The following MED12L variants were observed in gnomAD, a reference collection of about 807,000 sequenced individuals.
MED12L encodes the protein mediator of RNA polymerase II transcription subunit 12-like protein.
A neutral mutation model predicts 281.3 loss-of-function variants in MED12L; 60 were observed. The observed-to-expected ratio is 0.21, with a 90% CI of 0.17 to 0.26. The LOEUF (loss-of-function observed/expected upper bound fraction) is 0.26. Ranked by LOEUF, MED12L falls within the 10% of genes least tolerant of loss-of-function variation. The pLI is 1.00. For missense variants in MED12L, 2,146 were observed against 2,680.9 expected (o/e 0.80, Z 4.41); for synonymous variants, 974 against 987.2 (o/e 0.99, Z 0.25).
chr3:151,134,424 G>GAACC (rs1469784059), intron 5 of MED12L, among the ~76,000 whole-genome samples: 1 of 152,218 alleles, frequency 6.6e-6, no homozygotes, highest in Non-Finnish European at 1.5e-5. Context: ...GTGGTGCACA[G>GAACC]AACCCCTCAG....
At chr3:151,353,421 G>A (rs568694459) in intron 17 of MED12L, among the ~76,000 whole-genome samples, 2 of 152,282 alleles carry the variant, frequency 1.3e-5, no homozygotes, top group African/African-American at 4.8e-5. Context: ...AAATAAGCAG[G>A]TTTAATGAAT....
Position 151,086,950 on chromosome 3 carries a change from C to T in MED12L, c.24C>T (p.Ser8=). Residue 8 remains serine, a synonymous_variant, in exon 2 of 45, where the codon AGC becomes AGT. Coordinates refer to ENST00000687756, the MANE Select transcript of MED12L (RefSeq NM_001393769.1). MAAFGLL[S]YEQRPLKRPR... Reference sequence around the variant, plus strand: ...TCATGGCCGCCTTCGGGCTTCTCAGCTATGAGCAGAGACCGCTGAAGCGCC... The same window carrying T: ...TCATGGCCGCCTTCGGGCTTCTCAGTTATGAGCAGAGACCGCTGAAGCGCC... 1.2e-6 allele frequency: 2 copies of T among 1,607,168 alleles called. No homozygotes were observed. The highest frequency in any genetic ancestry group is 1.3e-5 in the African/African-American group (1 of 74,932).
chr3:151,193,768 T>C (rs1724279548), intron 16 of MED12L, 102 bp downstream of exon 16: 1 of 1,082,522 alleles, frequency 9.2e-7, no homozygotes, highest in Non-Finnish European at 1.3e-6. Flanking sequence ...CTAATAATGA[T>C]AGCAGGTGAG....
chr3:151,301,226 T>G (rs1303201206), intron 16 of MED12L, among the ~76,000 whole-genome samples: 1 of 152,220 alleles, frequency 6.6e-6, no homozygotes, highest in Non-Finnish European at 1.5e-5. Flanking sequence ...TAAAGTTTAC[T>G]GGGGAGAATG....
At chr3:151,311,452 G>T (rs937467203) in intron 16 of MED12L, among the ~76,000 whole-genome samples, 2 of 152,046 alleles carry the variant, frequency 1.3e-5, no homozygotes, top group African/African-American at 2.4e-5. Flanking sequence ...AGCCATCATG[G>T]TATATGCTGA....
rs1404887895 is a variant in MED12L at position 151,199,139 on chromosome 3, T to C, written c.2250+5473T>C. 4 of 1,613,994 alleles carry C rather than the reference T, an allele frequency of 2.5e-6. No homozygotes were observed. The highest frequency in any genetic ancestry group is 3.4e-6 in the Non-Finnish European group (4 of 1,179,956). On this transcript the variant is annotated intron_variant, in intron 16 of 44. Coordinates refer to ENST00000687756, the MANE Select transcript of MED12L (RefSeq NM_001393769.1). ...GGCTGTTACTTGGCAGTGGAATATCTTCAGCTTCCAAGGTGCCACACCCAA... is the reference window on the plus strand; with the variant it reads ...GGCTGTTACTTGGCAGTGGAATATCCTCAGCTTCCAAGGTGCCACACCCAA...
At chr3:151,106,462 C>T (rs1722084315) in intron 2 of MED12L, among the ~76,000 whole-genome samples, 1 of 151,822 alleles carries the variant, frequency 6.6e-6, no homozygotes, top group Admixed American at 6.6e-5. Flanking sequence ...GCATGAGCCA[C>T]CATGCCCCGC....
At chr3:151,380,013 CTCTT>C in intron 31 of MED12L, 96 bp from the exon 32 acceptor site, 1 of 723,262 alleles carries the variant, frequency 1.4e-6, no homozygotes, top group Non-Finnish European at 2.2e-6. Context: ...TTTACCACCT[CTCTT>C]ATTTATCTAA....
chr3:151,234,147 CTGTT>C (rs1239020749), intron 16 of MED12L, among the ~76,000 whole-genome samples: 15 of 152,172 alleles, frequency 9.9e-5, no homozygotes, highest in Non-Finnish European at 2.9e-5. Context: ...CATAGAAGCA[CTGTT>C]TGTAATAGCA....
At chr3:151,363,090 C>G (rs540823634) in intron 21 of MED12L, among the ~76,000 whole-genome samples, 1 of 151,912 alleles carries the variant, frequency 6.6e-6, no homozygotes, top group Non-Finnish European at 1.5e-5. Context: ...AAGTAACATG[C>G]GCTGGGCGTG....
At chr3:151,122,048 T>C (rs1220998) in intron 3 of MED12L, among the ~76,000 whole-genome samples, 143,902 of 152,282 alleles carry the variant, frequency 0.94, 68,094 homozygotes, top group Non-Finnish European at 0.96. Flanking sequence ...ACTTTGTTCT[T>C]TGCCTTCTTG....
chr3:151,332,023 G>C (rs1006255064), intron 16 of MED12L, among the ~76,000 whole-genome samples: 1 of 152,194 alleles, frequency 6.6e-6, no homozygotes, highest in Non-Finnish European at 1.5e-5. Context: ...GAAAGTTCCT[G>C]ATGTGTGAGA....
chr3:151,225,329 A>C (rs1432750358), intron 16 of MED12L, among the ~76,000 whole-genome samples: 1 of 152,192 alleles, frequency 6.6e-6, no homozygotes, highest in Non-Finnish European at 1.5e-5. Context: ...TGAGTCATTT[A>C]TAAAGAAAGG....
At chr3:151,240,335 C>T (rs1733830188) in intron 16 of MED12L, among the ~76,000 whole-genome samples, 1 of 152,222 alleles carries the variant, frequency 6.6e-6, no homozygotes, top group Non-Finnish European at 1.5e-5. Context: ...CTCTGACTCT[C>T]AGATTACAGC....
At chr3:151,211,400 T>G (rs1206539604) in intron 16 of MED12L, among the ~76,000 whole-genome samples, 1 of 151,522 alleles carries the variant, frequency 6.6e-6, no homozygotes, top group Non-Finnish European at 1.5e-5. Context: ...TGTTTTTTGT[T>G]TTTTTTTTGC....
intron 31 of MED12L, among the ~76,000 whole-genome samples, chr3:151,379,263 G>T (rs973130906): frequency 6.6e-6 from 1 of 152,174 alleles, no homozygotes; most frequent in Non-Finnish European, 1.5e-5. Context: ...AGGACAGATG[G>T]TATTGAAGAG....
chr3:151,137,195 A>G (rs990157712), intron 5 of MED12L, among the ~76,000 whole-genome samples: 1 of 152,016 alleles, frequency 6.6e-6, no homozygotes, highest in African/African-American at 2.4e-5. Context: ...AAGAACGAAA[A>G]AAAGTTTATT....
At chr3:151,387,773 T>C (rs1278891937) in intron 36 of MED12L, 37 bp from the exon 37 acceptor site, 15 of 1,561,376 alleles carry the variant, frequency 9.6e-6, no homozygotes, top group Non-Finnish European at 1.1e-5. Context: ...AAGGAAAAGA[T>C]CTGAGTGTGC....
intron 16 of MED12L, among the ~76,000 whole-genome samples, chr3:151,280,637 G>A (rs1742658159): frequency 6.6e-6 from 1 of 152,032 alleles, no homozygotes; most frequent in Non-Finnish European, 1.5e-5. Context: ...TGAGCAGTCA[G>A]CTTGTGACCT....
Sources: allele counts gnomAD v4.1 joint callset (sites outside exome capture counted in the v4.1 genomes callset), GRCh38; gene constraint gnomAD v4.1.1; transcripts MANE v1.5; gene names NCBI Gene and HGNC (gene_info 2026-07-23, HGNC 2026-07-21).